Variants in MGAT4D observed in about 807,000 individuals in gnomAD.
The protein encoded by MGAT4D is alpha-1,3-mannosyl-glycoprotein 4-beta-N-acetylglucosaminyltransferase-like protein MGAT4D.
A neutral mutation model predicts 15.9 loss-of-function variants in MGAT4D; 34 were observed. That is an observed-to-expected ratio of 2.14 (90% confidence interval 1.62 to 2.84). MGAT4D has a LOEUF of 2.84. Among genes scored for constraint, MGAT4D ranks in the 30% most tolerant of loss-of-function variants. The pLI, the probability that MGAT4D is intolerant of heterozygous loss-of-function variation, is 0.00. For missense variants in MGAT4D, 327 were observed against 140.2 expected (o/e 2.33, Z -6.73); for synonymous variants, 112 against 48.2 (o/e 2.33, Z -5.49).
chr4:140,461,841 C>T (rs972386818), intron 7 of MGAT4D, 88 bp downstream of exon 7: 1 of 453,198 alleles, frequency 2.2e-6, no homozygotes, highest in Non-Finnish European at 4.0e-6. Context: ...GTAACACTTT[C>T]AATTTAAATT....
chr4:140,462,076 TA>T, intron 6 of MGAT4D, 72 bp from the exon 7 acceptor site: 2 of 649,510 alleles, frequency 3.1e-6, no homozygotes, highest in East Asian at 2.7e-5. Flanking sequence ...CTTTAGTAAT[TA>T]AAAAACTCTT....
At chr4:140,470,184 C>A (rs1024607550) in intron 5 of MGAT4D, among the ~76,000 whole-genome samples, 1 of 152,192 alleles carries the variant, frequency 6.6e-6, no homozygotes, top group African/African-American at 2.4e-5. Flanking sequence ...TTGTTTTGAC[C>A]AATTGTTTGT....
intron 3 of MGAT4D, among the ~76,000 whole-genome samples, chr4:140,475,946 G>A (rs1293338505): frequency 2.6e-5 from 4 of 151,594 alleles, no homozygotes; most frequent in African/African-American, 7.3e-5. Flanking sequence ...CGAGTAGCTG[G>A]GATTACAGGC....
At chr4:140,473,664 A>G (rs1213860411) in intron 4 of MGAT4D, among the ~76,000 whole-genome samples, 2 of 152,154 alleles carry the variant, frequency 1.3e-5, no homozygotes, top group Non-Finnish European at 2.9e-5. Flanking sequence ...CTTCCATACT[A>G]TACTGCCATA....
At chr4:140,448,248 T>C (rs947073007) in intron 10 of MGAT4D, among the ~76,000 whole-genome samples, 1 of 152,228 alleles carries the variant, frequency 6.6e-6, no homozygotes, top group African/African-American at 2.4e-5. Context: ...TGTTGTCCTC[T>C]CTAGCGAGGG....
At chr4:140,497,835 A>G (rs1733935914) in intron 1 of MGAT4D, among the ~76,000 whole-genome samples, 1 of 152,194 alleles carries the variant, frequency 6.6e-6, no homozygotes, top group East Asian at 1.9e-4. Flanking sequence ...GGGTCCTTGA[A>G]CCTTTGAGGA....
intron 5 of MGAT4D, among the ~76,000 whole-genome samples, chr4:140,466,865 T>C (rs78818275): frequency 0.017 from 2,645 of 152,032 alleles, 29 homozygotes; most frequent in South Asian, 0.045. Flanking sequence ...ATCACGAAAA[T>C]GGGGTTGGAA....
intron 9 of MGAT4D, among the ~76,000 whole-genome samples, chr4:140,454,619 GA>G (rs1319198661): frequency 6.6e-6 from 1 of 152,090 alleles, no homozygotes; most frequent in Non-Finnish European, 1.5e-5. Flanking sequence ...TTCATGAAAA[GA>G]ATTGGGATGT....
At chr4:140,494,311 G>A (rs566186433) in intron 1 of MGAT4D, among the ~76,000 whole-genome samples, 1 of 152,358 alleles carries the variant, frequency 6.6e-6, no homozygotes, top group South Asian at 2.1e-4. Context: ...GATTGTGAGT[G>A]AGATGGCTTT....
At chr4:140,497,958 G>T (rs1560809691) in intron 1 of MGAT4D, among the ~76,000 whole-genome samples, 171 bp downstream of exon 1, 1 of 152,150 alleles carries the variant, frequency 6.6e-6, no homozygotes. Context: ...GCTGACCGGG[G>T]TAGGCGCGGC....
At chr4:140,473,101 CT>C (rs1390848006) in intron 4 of MGAT4D, among the ~76,000 whole-genome samples, 1 of 151,864 alleles carries the variant, frequency 6.6e-6, no homozygotes, top group Admixed American at 6.6e-5. Context: ...TGCTCATTTT[CT>C]TTTTTCTTCA....
intron 2 of MGAT4D, among the ~76,000 whole-genome samples, chr4:140,480,449 A>G (rs1489935561): frequency 6.6e-6 from 1 of 152,168 alleles, no homozygotes; most frequent in African/African-American, 2.4e-5. Context: ...ACAATATAAC[A>G]ATACAAAAAA....
chr4:140,464,609 T>C (rs1277113137), intron 6 of MGAT4D, among the ~76,000 whole-genome samples: 2 of 152,194 alleles, frequency 1.3e-5, no homozygotes, highest in Admixed American at 1.3e-4. Context: ...ATCAGTGGTG[T>C]GCTGGTAAAT....
At position 140,456,700 on chromosome 4, in the gene MGAT4D, C is replaced by T. The variant is rs1213591016; in HGVS notation, c.897G>A (p.Glu299=). Residue 299 remains glutamate (E), a synonymous_variant, in exon 9 of 11, where the codon GAG becomes GAA. Coordinates refer to ENST00000511113, the MANE Select transcript of MGAT4D (RefSeq NM_001277353.2). ...LGFIGKLFRS[E]DLTHFVRFFL... is the part of the protein sequence containing the mutation. ...AAAACCGTACAAAGTGAGTTAAGTC[C>T]TCAGATCTAAACAGCTTTCCTATGG... 1 of 687,924 alleles carries T rather than the reference C, an allele frequency of 1.5e-6. No homozygotes were observed. The highest frequency in any genetic ancestry group is 1.8e-5 in the African/African-American group (1 of 56,574). 42.6% of individuals were successfully genotyped at this position (687,924 alleles called of 1,614,324 possible). A position where few individuals can be genotyped will look rare whatever the true frequency, so the allele number is the denominator to read the frequency against.
At chr4:140,452,635 A>G (rs1730543917) in intron 9 of MGAT4D, among the ~76,000 whole-genome samples, 2 of 152,160 alleles carry the variant, frequency 1.3e-5, no homozygotes, top group South Asian at 2.1e-4. Context: ...ACCTGTTTTG[A>G]GAGTTCTATA....
Position 140,459,625 on chromosome 4 carries a change from A to T in MGAT4D, c.764T>A (p.Leu255Gln). 1 of 454,814 alleles carries T rather than the reference A, an allele frequency of 2.2e-6. No individual in the cohort carries two copies. The highest frequency in any genetic ancestry group is 3.9e-6 in the Non-Finnish European group (1 of 256,024). The allele number at this position is 454,814 out of a possible 1,614,324, so 28.2% of individuals were successfully genotyped here. ...AQPKAKYYLQ[L>Q]EDDIIAKEMY... is the part of the protein sequence containing the mutation. Reference sequence around the variant, plus strand: ...CTCTTTAGCTATGATATCATCTTCTAGCTGAAAAAAAAAACCCAAAAAGAC... The same window carrying T: ...CTCTTTAGCTATGATATCATCTTCTTGCTGAAAAAAAAAACCCAAAAAGAC... The change falls in exon 8 of 11, where the codon CTA becomes CAA. Residue 255 changes from leucine to glutamine, a missense_variant and splice_region_variant. Leu to Gln is a moderately radical substitution (Grantham distance 113). Coordinates refer to ENST00000511113, the MANE Select transcript of MGAT4D (RefSeq NM_001277353.2).
intron 10 of MGAT4D, among the ~76,000 whole-genome samples, chr4:140,450,705 G>A (rs1395057721): frequency 1.3e-5 from 2 of 152,172 alleles, no homozygotes; most frequent in African/African-American, 4.8e-5. Context: ...CTTTCACAGT[G>A]TAAAGACACT....
At chr4:140,445,774 ATTGAATAGGAAGTCTTTTCCCCCATTGC>A (rs2126657897) in intron 10 of MGAT4D, among the ~76,000 whole-genome samples, 1 of 152,276 alleles carries the variant, frequency 6.6e-6, no homozygotes, top group African/African-American at 2.4e-5. Flanking sequence ...AGCGCCATTT[ATTGAATAGGAAGTCTTTTCCCCCATTGC>A]TTGTTTTTGT....
rs10644682 is a variant in MGAT4D at position 140,461,880 on chromosome 4, T to TACACAC, written c.762+43_762+48dup. ...TCTATCTACAGATATAATTGGTGTATACACACACACACACACACACACACA... is the reference window on the plus strand; with the variant it reads ...TCTATCTACAGATATAATTGGTGTATACACACACACACACACACACACACACACACA... On this transcript the variant is annotated intron_variant, in intron 7 of 10. Coordinates refer to ENST00000511113, the MANE Select transcript of MGAT4D (RefSeq NM_001277353.2). 3,349 of 534,904 alleles carry TACACAC rather than the reference T, an allele frequency of 6.3e-3. 5 individuals are homozygous for TACACAC. Among genetic ancestry groups the TACACAC allele is most frequent in the Middle Eastern group, 0.012 (40 of 3,476 alleles). The allele number at this position is 534,904 out of a possible 1,614,324, so 33.1% of individuals were successfully genotyped here.
Sources: gnomAD v4.1 joint callset for allele counts (sites outside exome capture counted in the v4.1 genomes callset) on GRCh38, gnomAD v4.1.1 for gene constraint, MANE v1.5 for transcripts, NCBI Gene and HGNC (gene_info 2026-07-23, HGNC 2026-07-21) for gene names.